GPR158: variants seen among roughly 807,000 people sequenced by gnomAD.
GPR158 encodes the protein G protein-coupled receptor 158.
A neutral mutation model predicts 78.2 loss-of-function variants in GPR158; 30 were observed. The ratio of observed to expected loss-of-function variants is 0.38; its 90% confidence interval spans 0.29 to 0.52. The LOEUF (loss-of-function observed/expected upper bound fraction) is 0.52. Ranked by LOEUF, GPR158 falls within the 20% of genes least tolerant of loss-of-function variation. The pLI is 0.83. For missense variants in GPR158, 1,463 were observed against 1,523.5 expected, an observed-to-expected ratio of 0.96 and a Z score of 0.66; for synonymous variants, 581 against 591.1, an observed-to-expected ratio of 0.98 and a Z score of 0.25.
intron 4 of GPR158, among the ~76,000 whole-genome samples, chr10:25,463,423 A>C (rs1338450238): frequency 6.6e-6 from 1 of 151,934 alleles, no homozygotes; most frequent in Admixed American, 6.6e-5. Flanking sequence ...GGATGGATGG[A>C]TGGATGGATG....
At chr10:25,392,132 C>T (rs547576050) in intron 2 of GPR158, among the ~76,000 whole-genome samples, 1 of 152,312 alleles carries the variant, frequency 6.6e-6, no homozygotes, top group South Asian at 2.1e-4. Flanking sequence ...TTGTAAATTA[C>T]CCAGTCTTGG....
intron 4 of GPR158, among the ~76,000 whole-genome samples, chr10:25,416,150 A>G (rs1297184669): frequency 6.6e-6 from 1 of 152,134 alleles, no homozygotes. Flanking sequence ...TGTCTTTTGT[A>G]ACATAATTTT....
chr10:25,438,436 CTTTGT>C (rs1331618795), intron 4 of GPR158, among the ~76,000 whole-genome samples: 6 of 152,158 alleles, frequency 3.9e-5, no homozygotes, highest in Middle Eastern at 6.3e-3. Flanking sequence ...GCAAATGGCA[CTTTGT>C]TTTATGTCCA....
chr10:25,264,398 AG>A (rs1854013165), intron 2 of GPR158, among the ~76,000 whole-genome samples: 1 of 152,202 alleles, frequency 6.6e-6, no homozygotes, highest in African/African-American at 2.4e-5. Context: ...AGGTGGAGAG[AG>A]GGAGACTTGA....
At chr10:25,572,962 T>G in intron 7 of GPR158, 75 bp downstream of exon 7, 1 of 879,290 alleles carries the variant, frequency 1.1e-6, no homozygotes, top group Non-Finnish European at 1.9e-6. Flanking sequence ...TTAAAAGTCT[T>G]GCCAGACTCT....
intron 5 of GPR158, among the ~76,000 whole-genome samples, chr10:25,515,624 G>GT (rs199686296): frequency 0.31 from 43,936 of 140,568 alleles, 7,545 homozygotes; most frequent in East Asian, 0.48. Flanking sequence ...GCGGTGTTTG[G>GT]TTTTTTGTTC....
At chr10:25,371,277 A>T (rs965007096) in intron 2 of GPR158, among the ~76,000 whole-genome samples, 1 of 151,688 alleles carries the variant, frequency 6.6e-6, no homozygotes, top group Admixed American at 6.6e-5. Flanking sequence ...TGGTCTTTAC[A>T]TGTTGGAATG....
At chr10:25,216,953 C>T (rs917187422) in intron 1 of GPR158, among the ~76,000 whole-genome samples, 2 of 152,100 alleles carry the variant, frequency 1.3e-5, no homozygotes, top group Admixed American at 6.5e-5. Context: ...TTCCAAGGAA[C>T]GTGGATTTTA....
rs186351481 is a variant in GPR158, at chr10:25,411,890, C to T, written c.1112-360C>T. Among the ~76,000 whole-genome samples the T allele has an allele frequency of 6.7e-4, 81 of 121,444 alleles. 1 individual carries two copies. The East Asian group carries it at 0.014, about 21-fold the overall frequency. 79.7% of individuals were successfully genotyped at this position (121,444 alleles called of 152,430 possible). A position where few individuals can be genotyped will look rare whatever the true frequency, so the allele number is the denominator to read the frequency against. On this transcript the variant is annotated intron_variant, in intron 3 of 10. Coordinates refer to ENST00000376351, the MANE Select transcript of GPR158 (RefSeq NM_020752.3). ...CGGAGCTTGCAGTGAGCAGAGATCG[C>T]GCCACTGCACTCCAGCCTGGGCGAC... is the stretch of plus-strand genomic sequence containing the variant.
At chr10:25,433,547 T>TGTGTTGTGTGTGTGTTG (rs67750453) in intron 4 of GPR158, among the ~76,000 whole-genome samples, 158 of 96,392 alleles carry the variant, frequency 1.6e-3, no homozygotes, top group Admixed American at 6.5e-3. Context: ...TGTGTGTGTG[T>TGTGTTGTGTGTGTGTTG]TGTGTGTGTG....
intron 2 of GPR158, among the ~76,000 whole-genome samples, chr10:25,347,301 A>G (rs566436859): frequency 2.0e-5 from 3 of 151,932 alleles, no homozygotes; most frequent in African/African-American, 7.2e-5. Flanking sequence ...TATCTTTTGT[A>G]CTCACATCTC....
intron 2 of GPR158, among the ~76,000 whole-genome samples, chr10:25,349,657 A>C (rs1855426115): frequency 6.8e-6 from 1 of 146,704 alleles, no homozygotes; most frequent in Admixed American, 6.7e-5. Context: ...AGGCCTCCCA[A>C]CCATGCTTTC....
chr10:25,208,391 GTTGA>G (rs951289143), intron 1 of GPR158, among the ~76,000 whole-genome samples: 2 of 152,188 alleles, frequency 1.3e-5, no homozygotes, highest in Non-Finnish European at 2.9e-5. Context: ...CTTTTTAAAA[GTTGA>G]TTGACAACTA....
intron 4 of GPR158, among the ~76,000 whole-genome samples, chr10:25,440,785 G>A (rs911827102): frequency 1.1e-4 from 16 of 152,136 alleles, no homozygotes; most frequent in Non-Finnish European, 1.9e-4. Flanking sequence ...ATTCCTAAAT[G>A]TAAGTATAGT....
chr10:25,325,468 T>TACACACACAC (rs3054025), intron 2 of GPR158, among the ~76,000 whole-genome samples: 18 of 150,202 alleles, frequency 1.2e-4, no homozygotes, highest in African/African-American at 4.2e-4. Flanking sequence ...TATATATAAT[T>TACACACACAC]ACACACACAC....
chr10:25,251,039 G>T (rs1853789879), intron 2 of GPR158, among the ~76,000 whole-genome samples: 1 of 152,006 alleles, frequency 6.6e-6, no homozygotes, highest in Admixed American at 6.6e-5. Flanking sequence ...AGCTCTTCTT[G>T]TTGAATTGAT....
chr10:25,576,970 C>CA (rs765153642), intron 7 of GPR158, among the ~76,000 whole-genome samples: 12,305 of 113,642 alleles, frequency 0.11, 866 homozygotes, highest in African/African-American at 0.18. Flanking sequence ...ACAGTGTTCT[C>CA]AAAAAAAAAA....
At position 25,556,227 on chromosome 10, in the gene GPR158, G is replaced by A. The variant is rs1315930373; in HGVS notation, c.1514+5142G>A. Reference sequence around the variant, plus strand: ...GAAGGCCAAAATATAAATGCCTCTGGAATCCAGAAGATTCCTCTAATAAAA... The same window carrying A: ...GAAGGCCAAAATATAAATGCCTCTGAAATCCAGAAGATTCCTCTAATAAAA... On this transcript the variant is annotated intron_variant, in intron 6 of 10. Coordinates refer to ENST00000376351, the MANE Select transcript of GPR158 (RefSeq NM_020752.3). 2.0e-5 allele frequency among the ~76,000 whole-genome samples: 3 copies of A among 152,114 alleles called. No individual in the cohort carries two copies. The East Asian group carries it at 5.8e-4, about 29-fold the overall frequency.
intron 4 of GPR158, among the ~76,000 whole-genome samples, chr10:25,448,528 A>C (rs567947218): frequency 6.6e-6 from 1 of 152,254 alleles, no homozygotes; most frequent in East Asian, 1.9e-4. Context: ...TTGGATAGAT[A>C]TTTGTGTTGT....
Sources: allele counts gnomAD v4.1 joint callset (sites outside exome capture counted in the v4.1 genomes callset), GRCh38; gene constraint gnomAD v4.1.1; transcripts MANE v1.5; gene names NCBI Gene and HGNC (gene_info 2026-07-23, HGNC 2026-07-21).